CSMD1: variants seen among roughly 807,000 people sequenced by gnomAD.
CSMD1 encodes the protein CUB and sushi domain-containing protein 1.
Under a neutral mutation model 417.5 loss-of-function variants are expected in CSMD1, and 213 were observed. The ratio of observed to expected loss-of-function variants is 0.51; its 90% CI spans 0.46 to 0.57. The LOEUF is 0.57. Among genes scored for constraint, CSMD1 ranks in the 20% least tolerant of loss-of-function variants. The pLI is 0.00. For synonymous variants in CSMD1, 2,862 were observed against 1,736.8 expected, an observed-to-expected ratio of 1.65 and a Z score of -16.11; for missense variants, 6,923 against 4,529.7, an observed-to-expected ratio of 1.53 and a Z score of -15.17.
chr8:4,925,382 T>C (rs1585341188), intron 1 of CSMD1, among the ~76,000 whole-genome samples: 1 of 152,050 alleles, frequency 6.6e-6, no homozygotes, highest in East Asian at 1.9e-4. Context: ...CTTTAGCAGT[T>C]AAATACATGG....
chr8:4,952,456 C>A (rs1808817892), intron 1 of CSMD1, among the ~76,000 whole-genome samples: 1 of 151,888 alleles, frequency 6.6e-6, no homozygotes, highest in South Asian at 2.1e-4. Flanking sequence ...TTTCAATTAC[C>A]TATGTCTAAA....
intron 2 of CSMD1, among the ~76,000 whole-genome samples, chr8:4,454,039 G>C (rs1001865528): frequency 6.6e-6 from 1 of 151,742 alleles, no homozygotes; most frequent in Non-Finnish European, 1.5e-5. Context: ...AGCCGGGATG[G>C]TCTCGATCTC....
At chr8:4,403,406 C>T (rs1037496737) in intron 3 of CSMD1, among the ~76,000 whole-genome samples, 1 of 152,122 alleles carries the variant, frequency 6.6e-6, no homozygotes, top group Admixed American at 6.6e-5. Flanking sequence ...CTCTTTTGAA[C>T]CACAGAAGTA....
At chr8:4,645,898 A>G (rs914643549) in intron 1 of CSMD1, among the ~76,000 whole-genome samples, 9 of 152,168 alleles carry the variant, frequency 5.9e-5, no homozygotes, top group African/African-American at 2.2e-4. Flanking sequence ...CATTGTACTT[A>G]AAATATGAGG....
chr8:4,980,781 T>C (rs1367050671), intron 1 of CSMD1, among the ~76,000 whole-genome samples: 2 of 152,010 alleles, frequency 1.3e-5, no homozygotes, highest in Non-Finnish European at 2.9e-5. Flanking sequence ...GGCATGGGTC[T>C]GTAGTCCCAG....
intron 26 of CSMD1, among the ~76,000 whole-genome samples, chr8:3,260,691 A>G (rs142460327): frequency 0.014 from 2,183 of 152,234 alleles, 37 homozygotes; most frequent in Non-Finnish European, 0.023. Context: ...GTTCTTGAGT[A>G]TTACACAAAA....
intron 4 of CSMD1, among the ~76,000 whole-genome samples, chr8:4,015,169 G>A (rs1409618459): frequency 1.3e-5 from 2 of 152,158 alleles, no homozygotes; most frequent in Non-Finnish European, 2.9e-5. Context: ...TATAAAAACT[G>A]TCCCATTCAG....
intron 5 of CSMD1, among the ~76,000 whole-genome samples, chr8:3,849,076 C>G (rs1341320322): frequency 3.9e-5 from 6 of 151,944 alleles, no homozygotes; most frequent in Admixed American, 3.3e-4. Context: ...TACAAGATTC[C>G]ATTTAACAGT....
At chr8:3,604,389 T>G (rs2117096944) in intron 8 of CSMD1, among the ~76,000 whole-genome samples, 1 of 152,200 alleles carries the variant, frequency 6.6e-6, no homozygotes, top group Non-Finnish European at 1.5e-5. Context: ...AATCTTAAGA[T>G]CTGGATTTTC....
chr8:3,789,726 ATTTT>A (rs55917452), intron 5 of CSMD1, among the ~76,000 whole-genome samples: 3,487 of 101,218 alleles, frequency 0.034, 102 homozygotes, highest in East Asian at 0.16. Context: ...ATCATGGTTA[ATTTT>A]TTTTTTTTTT....
chr8:4,126,913 C>CA (rs1430757289), intron 3 of CSMD1, among the ~76,000 whole-genome samples: 1 of 152,088 alleles, frequency 6.6e-6, no homozygotes, highest in East Asian at 1.9e-4. Context: ...CACAGGCTCT[C>CA]ACGCCCACAC....
chr8:4,087,476 C>G lies in CSMD1; in HGVS notation c.416-55377G>C, dbSNP rs115797132. ...CACCCAACTTCTGTCCCTTTTCTTT[C>G]CAAACCACCTGTAATGAAACCTATT... On this transcript the variant is annotated intron_variant, in intron 3 of 69. Coordinates refer to ENST00000635120, the MANE Select transcript of CSMD1 (RefSeq NM_033225.6). Among the ~76,000 whole-genome samples the G allele has an allele frequency of 5.2e-3, 799 of 152,310 alleles. 6 individuals carry two copies. The highest frequency in any genetic ancestry group is 0.018 in the African/African-American group (760 of 41,558).
At chr8:3,659,597 T>C (rs1204484497) in intron 7 of CSMD1, among the ~76,000 whole-genome samples, 2 of 152,158 alleles carry the variant, frequency 1.3e-5, no homozygotes, top group African/African-American at 4.8e-5. Flanking sequence ...TGTGAATTGG[T>C]CCCTTTGGGA....
intron 3 of CSMD1, among the ~76,000 whole-genome samples, chr8:4,361,243 GAAGGAAAAGGCGTAA>G (rs1322516117): frequency 1.5e-4 from 23 of 152,068 alleles, no homozygotes; most frequent in Admixed American, 1.4e-3. Context: ...CAAAAAGCAG[GAAGGAAAAGGCGTAA>G]AAGAAAATAT....
At chr8:4,576,432 T>C (rs935761872) in intron 2 of CSMD1, among the ~76,000 whole-genome samples, 11 of 152,234 alleles carry the variant, frequency 7.2e-5, no homozygotes, top group African/African-American at 2.7e-4. Flanking sequence ...CAAAATCCTC[T>C]TACAGTTTTT....
chr8:4,968,263 C>CA (rs11376438), intron 1 of CSMD1, among the ~76,000 whole-genome samples: 78,090 of 151,668 alleles, frequency 0.51, 20,665 homozygotes, highest in Middle Eastern at 0.63. Context: ...GGAGAGCTAA[C>CA]TACAAAGTCT....
At chr8:3,044,423 G>C (rs12679489) in intron 50 of CSMD1, among the ~76,000 whole-genome samples, 21,277 of 152,152 alleles carry the variant, frequency 0.14, 1,943 homozygotes, top group East Asian at 0.37. Flanking sequence ...ACTTACACCA[G>C]AGAAATAAAC....
chr8:3,794,540 A>C (rs1196227377), intron 5 of CSMD1, among the ~76,000 whole-genome samples: 1 of 152,152 alleles, frequency 6.6e-6, no homozygotes, highest in Non-Finnish European at 1.5e-5. Flanking sequence ...ATAAGTATTT[A>C]ATACAACTTT....
At chr8:3,688,400 C>G (rs950487114) in intron 7 of CSMD1, among the ~76,000 whole-genome samples, 2 of 152,098 alleles carry the variant, frequency 1.3e-5, no homozygotes, top group African/African-American at 4.8e-5. Flanking sequence ...GACAGAGGTG[C>G]TTTGAATTTA....
Sources: allele counts gnomAD v4.1 joint callset (sites outside exome capture counted in the v4.1 genomes callset), GRCh38; gene constraint gnomAD v4.1.1; transcripts MANE v1.5; gene names NCBI Gene and HGNC (gene_info 2026-07-23, HGNC 2026-07-21).